The following ABR variants were observed in gnomAD, a reference collection of about 807,000 sequenced individuals.
ABR encodes active breakpoint cluster region-related protein.
In ABR, 35 loss-of-function variants were observed where a neutral mutation model predicts 107.2. The observed-to-expected ratio is 0.33, with a 90% confidence interval of 0.25 to 0.43. The LOEUF is 0.43. Among genes scored for constraint, ABR ranks in the 20% least tolerant of loss-of-function variants. ABR has a pLI of 1.00. For missense variants in ABR, 815 were observed against 1,115.2 expected (o/e 0.73, Z 3.83); for synonymous variants, 498 against 462.0 (o/e 1.08, Z -1.00).
chr17:1,042,776 T>C (rs961073904), intron 16 of ABR, among the ~76,000 whole-genome samples: 6 of 146,906 alleles, frequency 4.1e-5, no homozygotes, highest in Non-Finnish European at 7.5e-5. Flanking sequence ...TAAACAGATG[T>C]GGCACCTATA....
chr17:1,055,234 T>C (rs1267666062), intron 14 of ABR: 1 of 152,076 alleles, frequency 6.6e-6, no homozygotes, highest in African/African-American at 2.4e-5. Context: ...AATTAAAAAG[T>C]GCAATCCTAC....
intron 1 of ABR, among the ~76,000 whole-genome samples, chr17:1,209,516 A>G (rs1186814102): frequency 6.6e-6 from 1 of 151,970 alleles, no homozygotes; most frequent in African/African-American, 2.4e-5. Flanking sequence ...GACTAAGGTG[A>G]TTCACCTGTC....
intron 6 of ABR, 133 bp downstream of exon 6, chr17:1,079,197 T>A: frequency 6.7e-7 from 1 of 1,484,362 alleles, no homozygotes; most frequent in Non-Finnish European, 9.0e-7. Flanking sequence ...TCACACGCGC[T>A]CACACACGCT....
At chr17:1,195,089 C>CCT (rs2042526968) in intron 1 of ABR, among the ~76,000 whole-genome samples, 1 of 144,796 alleles carries the variant, frequency 6.9e-6, no homozygotes, top group East Asian at 2.3e-4. Flanking sequence ...GGGCGGATCA[C>CCT]GAGGTCAGGA....
intron 10 of ABR, among the ~76,000 whole-genome samples, chr17:1,066,033 C>A (rs1246036922): frequency 6.6e-6 from 1 of 152,162 alleles, no homozygotes; most frequent in Non-Finnish European, 1.5e-5. Flanking sequence ...GCATGATCCA[C>A]CACGCCTGGA....
At chr17:1,176,047 T>G (rs1046703007) in intron 1 of ABR, among the ~76,000 whole-genome samples, 4 of 151,084 alleles carry the variant, frequency 2.6e-5, no homozygotes, top group African/African-American at 9.8e-5. Context: ...GCTGAGATAG[T>G]GCCACTGCAC....
chr17:1,159,571 C>A (rs1477397755), intron 1 of ABR, among the ~76,000 whole-genome samples: 1 of 90,726 alleles, frequency 1.1e-5, no homozygotes, highest in Admixed American at 1.1e-4. Context: ...TACTCACACA[C>A]GGGAGAAGTA....
intron 22 of ABR, among the ~76,000 whole-genome samples, 178 bp from the exon 23 acceptor site, chr17:1,006,347 G>A (rs1315613841): frequency 3.9e-5 from 6 of 152,180 alleles, no homozygotes; most frequent in African/African-American, 1.4e-4. Context: ...GCAGAGGGTC[G>A]GGGGCCTAGG....
chr17:1,027,577 G>A lies in ABR; in HGVS notation c.1792-14413C>T, dbSNP rs903774507. On this transcript the variant is annotated intron_variant, in intron 16 of 22. Coordinates refer to ENST00000302538, the MANE Select transcript of ABR (RefSeq NM_021962.5). This position sits in a 1 kb window ranked among gnomAD's most constrained non-coding sequence, Gnocchi z 4.7. ...CTGCCCACTCGGCAGGTGGGTAAGT[G>A]CTGTGGAAAAGAGGGAGGGTCGCCC... 6.6e-6 allele frequency among the ~76,000 whole-genome samples: 1 copy of A among 152,152 alleles called. No individual in the cohort carries two copies. The highest frequency in any genetic ancestry group is 1.5e-5 in the Non-Finnish European group (1 of 68,026).
chr17:1,121,389 C>A (rs7220087), intron 2 of ABR, among the ~76,000 whole-genome samples: 2,824 of 152,344 alleles, frequency 0.019, 81 homozygotes, highest in African/African-American at 0.064. Flanking sequence ...CTGTTGGCTC[C>A]CCAGCCCTCT....
At chr17:1,192,120 GT>G (rs1478481886), upstream of ABR, among the ~76,000 whole-genome samples, 1 of 152,050 alleles carries the variant, frequency 6.6e-6, no homozygotes, top group Non-Finnish European at 1.5e-5. Context: ...AGTTTAATGG[GT>G]TTTCAGGGCT....
intron 16 of ABR, among the ~76,000 whole-genome samples, chr17:1,016,403 A>G (rs2071163535): frequency 1.4e-5 from 2 of 140,714 alleles, no homozygotes; most frequent in South Asian, 2.2e-4. Flanking sequence ...TGCAAGCTCC[A>G]CCTCCCGGGT....
Position 1,091,757 on chromosome 17 carries a change from A to C in ABR, c.439T>G (p.Tyr147Asp). ...TCATAGAACTCCTTGTGGATCTCAT[A>C]GATGTCCTGGATCTTGTAGAAGATG... Reference protein sequence around the residue: ...ETIFYKIQDIYEIHKEFYDNL... With the variant: ...ETIFYKIQDIDEIHKEFYDNL... The change falls in exon 4 of 23, where the codon TAT becomes GAT. Residue 147 changes from tyrosine (Y) to aspartate (D), a missense_variant. Tyr to Asp is a radical substitution (Grantham distance 160). Around this residue, in one of 5 missense-constraint regions of ABR, gnomAD observed 385 missense variants for 596.9 expected, o/e 0.64. Transcript: ENST00000302538. 1 of 1,614,134 alleles carries C rather than the reference A, an allele frequency of 6.2e-7. No homozygotes were observed. Among genetic ancestry groups the C allele is most frequent in the South Asian group, 1.1e-5 (1 of 91,078 alleles).
intron 6 of ABR, among the ~76,000 whole-genome samples, chr17:1,076,273 C>A (rs1259335132): frequency 6.6e-6 from 1 of 152,210 alleles, no homozygotes; most frequent in Admixed American, 6.5e-5. Flanking sequence ...CAGAGACCCT[C>A]CCCATGGGCC....
intron 1 of ABR, among the ~76,000 whole-genome samples, chr17:1,174,657 G>A (rs2151611241): frequency 6.6e-6 from 1 of 152,340 alleles, no homozygotes; most frequent in South Asian, 2.1e-4. Flanking sequence ...GCAGGCTCTA[G>A]TAACAACAGA....
chr17:1,038,302 G>A (rs1166663777), intron 16 of ABR, among the ~76,000 whole-genome samples: 1 of 152,242 alleles, frequency 6.6e-6, no homozygotes, highest in Middle Eastern at 3.2e-3. Context: ...GGGGGACGTG[G>A]GGGTCTGAGA....
chr17:1,160,315 C>T (rs1356826206), intron 1 of ABR, among the ~76,000 whole-genome samples: 1 of 151,018 alleles, frequency 6.6e-6, no homozygotes, highest in African/African-American at 2.4e-5. Flanking sequence ...CACAAAAGGA[C>T]TAACACAGCC....
chr17:1,014,227 C>G (rs377228734), intron 16 of ABR, among the ~76,000 whole-genome samples: 10 of 151,596 alleles, frequency 6.6e-5, no homozygotes, highest in African/African-American at 9.7e-5. Context: ...AGATCACGAG[C>G]TCAGGAGATC....
chr17:1,067,151 G>A lies in ABR; in HGVS notation c.1108C>T (p.His370Tyr), dbSNP rs1172525903. The change falls in exon 10 of 23, where the codon CAC becomes TAC. Residue 370 changes from histidine to tyrosine, a missense_variant. Around this residue, in one of 5 missense-constraint regions of ABR, gnomAD observed 385 missense variants for 596.9 expected, o/e 0.64. Coordinates refer to ENST00000302538, the MANE Select transcript of ABR (RefSeq NM_021962.5). Reference protein sequence around the residue: ...PEESEASPQVHPFPDHELEDM... With the variant: ...PEESEASPQVYPFPDHELEDM... Reference sequence around the variant, plus strand: ...TCCAGCTCATGGTCTGGGAAGGGGTGCACCTGGGGGCTGGCCTCAGACTCC... The same window carrying A: ...TCCAGCTCATGGTCTGGGAAGGGGTACACCTGGGGGCTGGCCTCAGACTCC... 6.2e-7 allele frequency: 1 copy of A among 1,613,826 alleles called. No homozygotes were observed. The highest frequency in any genetic ancestry group is 1.1e-5 in the South Asian group (1 of 91,050).
Sources: gnomAD v4.1 joint callset for allele counts (sites outside exome capture counted in the v4.1 genomes callset) on GRCh38, gnomAD v4.1.1 for gene constraint, gnomAD v4.1.1 regional missense constraint, Gnocchi (gnomAD v3.1) non-coding constraint, MANE v1.5 for transcripts, NCBI Gene and HGNC (gene_info 2026-07-23, HGNC 2026-07-21) for gene names.